CACNG5: variants seen among roughly 807,000 people sequenced by gnomAD.
The protein encoded by CACNG5 is voltage-dependent calcium channel gamma-5 subunit.
In CACNG5, 18 loss-of-function variants were observed where a neutral mutation model predicts 24.8. The ratio of observed to expected loss-of-function variants is 0.73; its 90% CI spans 0.50 to 1.08. The LOEUF (loss-of-function observed/expected upper bound fraction) is 1.08, where lower values mean the gene tolerates loss of function less well. CACNG5 is among the 50% of genes least tolerant of loss of function. The pLI is 0.00. For synonymous variants in CACNG5, 157 were observed against 149.1 expected, an observed-to-expected ratio of 1.05 and a Z score of -0.39; for missense variants, 349 against 367.9, an observed-to-expected ratio of 0.95 and a Z score of 0.42.
intron 1 of CACNG5, among the ~76,000 whole-genome samples, chr17:66,835,681 C>T (rs550192209): frequency 3.9e-5 from 6 of 152,284 alleles, no homozygotes; most frequent in East Asian, 3.9e-4. Context: ...GGTCCAACTC[C>T]CCGCTTATCA....
intron 1 of CACNG5, among the ~76,000 whole-genome samples, chr17:66,860,484 C>T (rs1598052214): frequency 1.3e-5 from 2 of 151,518 alleles, no homozygotes; most frequent in African/African-American, 4.9e-5. Context: ...GCAGTGGGTC[C>T]GTCTATTTAA....
intron 1 of CACNG5, among the ~76,000 whole-genome samples, chr17:66,848,724 A>G (rs1354688035): frequency 6.6e-6 from 1 of 151,882 alleles, no homozygotes; most frequent in Non-Finnish European, 1.5e-5. Flanking sequence ...CCCAGCCCCT[A>G]CCCCAGCTGG....
At chr17:66,841,250 T>C (rs1460412170) in intron 1 of CACNG5, among the ~76,000 whole-genome samples, 1 of 152,156 alleles carries the variant, frequency 6.6e-6, no homozygotes, top group East Asian at 1.9e-4. Context: ...AGACAGATGG[T>C]CACATTCATT....
At chr17:66,850,573 CA>C (rs899910935) in intron 1 of CACNG5, among the ~76,000 whole-genome samples, 36 of 147,958 alleles carry the variant, frequency 2.4e-4, no homozygotes, top group African/African-American at 9.1e-4. Flanking sequence ...TTAAAGTTCA[CA>C]TATATATATA....
rs767720248 is a variant in CACNG5, at chr17:66,885,225, C to A, written c.813C>A (p.Ser271=). The A allele has an allele frequency of 1.1e-4, 168 of 1,589,870 alleles. No individual in the cohort carries two copies. The highest frequency in any genetic ancestry group is 1.4e-4 in the Non-Finnish European group (160 of 1,172,784). Residue 271 remains serine (S), a synonymous_variant, in exon 6 of 6, where the codon TCC becomes TCA. Transcript: ENST00000533854. ...LLKCPDYDQM[S]SSPC is the part of the protein sequence containing the mutation. The stretch of plus-strand genomic sequence containing the variant: ...AGTGCCCCGACTATGATCAGATGTC[C>A]TCTTCACCCTGCTGAGCCTCGGCCG...
chr17:66,868,794 T>G (rs1976964112), intron 1 of CACNG5, among the ~76,000 whole-genome samples: 1 of 152,180 alleles, frequency 6.6e-6, no homozygotes, highest in African/African-American at 2.4e-5. Flanking sequence ...GTGCCCACCA[T>G]GAAGACACCT....
intron 1 of CACNG5, among the ~76,000 whole-genome samples, chr17:66,857,849 C>T (rs1178191654): frequency 6.6e-6 from 1 of 152,162 alleles, no homozygotes; most frequent in African/African-American, 2.4e-5. Flanking sequence ...CCGGTCCCAG[C>T]CCACTCCATC....
rs550348143 is a variant in CACNG5, at chr17:66,849,526, T to C, written c.-104+14276T>C. Among the ~76,000 whole-genome samples, 24 of 152,286 alleles carry C rather than the reference T, an allele frequency of 1.6e-4. No individual in the cohort carries two copies. In the South Asian group the frequency reaches 5.0e-3, roughly 32 times the overall value. The stretch of plus-strand genomic sequence containing the variant: ...ATTACACTTCCTGGCTGAGTGGCCT[T>C]GGGCTGTGTTCTGGGATCTGCCTGG... On this transcript the variant is annotated intron_variant, in intron 1 of 5. Transcript: ENST00000533854.
chr17:66,841,244 A>G (rs1236529239), intron 1 of CACNG5, among the ~76,000 whole-genome samples: 1 of 152,222 alleles, frequency 6.6e-6, no homozygotes, highest in Non-Finnish European at 1.5e-5. Flanking sequence ...GGTGAGAGAC[A>G]GATGGTCACA....
chr17:66,881,646 A>G (rs545012069), intron 4 of CACNG5, among the ~76,000 whole-genome samples: 12 of 152,358 alleles, frequency 7.9e-5, no homozygotes, highest in Middle Eastern at 3.4e-3. Context: ...AGTAGACAGA[A>G]GATAGGAACC....
chr17:66,863,725 C>G (rs1030456818), intron 1 of CACNG5, among the ~76,000 whole-genome samples: 5 of 152,184 alleles, frequency 3.3e-5, no homozygotes, highest in Non-Finnish European at 5.9e-5. Flanking sequence ...CTTCTCTTCT[C>G]TTCTGCATTT....
chr17:66,837,355 C>T (rs1976494775), intron 1 of CACNG5, among the ~76,000 whole-genome samples: 1 of 152,244 alleles, frequency 6.6e-6, no homozygotes, highest in Non-Finnish European at 1.5e-5. Context: ...GTAACCCAGT[C>T]TCCAGCAAAC....
chr17:66,869,852 G>A (rs1205631092), intron 1 of CACNG5, among the ~76,000 whole-genome samples: 2 of 152,182 alleles, frequency 1.3e-5, no homozygotes, highest in Non-Finnish European at 1.5e-5. Flanking sequence ...GGGAGGCCGA[G>A]GTGGGTGGAT....
intron 1 of CACNG5, among the ~76,000 whole-genome samples, chr17:66,870,662 T>A (rs761381260): frequency 2.4e-4 from 36 of 152,202 alleles, no homozygotes; most frequent in Non-Finnish European, 4.3e-4. Flanking sequence ...GGAACCTACA[T>A]CTCCTCTTGT....
chr17:66,841,859 T>C (rs2144497414), intron 1 of CACNG5, among the ~76,000 whole-genome samples: 1 of 152,288 alleles, frequency 6.6e-6, no homozygotes, highest in South Asian at 2.1e-4. Context: ...AAACTGTCCC[T>C]CCCTTAGAGG....
rs1269472913 is a variant in CACNG5, at chr17:66,884,439, A to C, written c.425-77A>C. 2.0e-6 allele frequency: 3 copies of C among 1,474,980 alleles called. No homozygotes were observed. The African/African-American group carries it at 4.2e-5, about 21-fold the overall frequency. 91.4% of individuals were successfully genotyped at this position (1,474,980 alleles called of 1,614,324 possible). ...CTGGTGGCTTTGCTCCTGAATTGCA[A>C]AGGGAGGTGGGTGCCACCTCAGCAA... On this transcript the variant is annotated intron_variant, in intron 4 of 5. Coordinates refer to ENST00000533854, the MANE Select transcript of CACNG5 (RefSeq NM_145811.3).
chr17:66,856,667 G>A (rs1176319317), intron 1 of CACNG5, among the ~76,000 whole-genome samples: 3 of 151,032 alleles, frequency 2.0e-5, no homozygotes, highest in African/African-American at 7.3e-5. Context: ...TCAGCCTCCC[G>A]AGCAGCTGGG....
rs971129196 is a variant in CACNG5 at position 66,885,245 on chromosome 17, C to T, written c.*5C>T. The T allele has an allele frequency of 1.6e-5, 25 of 1,569,186 alleles. No homozygotes were observed. The highest frequency in any genetic ancestry group is 5.4e-5 in the African/African-American group (4 of 74,346). On this transcript the variant is annotated 3_prime_UTR_variant, in exon 6 of 6. Transcript: ENST00000533854. ...ATGTCCTCTTCACCCTGCTGAGCCTCGGCCGCCCCCATCCCTGGACTGTGG... is the reference window on the plus strand; with the variant it reads ...ATGTCCTCTTCACCCTGCTGAGCCTTGGCCGCCCCCATCCCTGGACTGTGG...
intron 1 of CACNG5, 25 bp downstream of exon 1, chr17:66,835,275 G>A (rs1010919018): frequency 2.0e-5 from 3 of 152,330 alleles, no homozygotes; most frequent in African/African-American, 7.2e-5. Flanking sequence ...GACCGGGAGA[G>A]ACCACCTCTT....
Sources: allele counts gnomAD v4.1 joint callset (sites outside exome capture counted in the v4.1 genomes callset), GRCh38; gene constraint gnomAD v4.1.1; transcripts MANE v1.5; gene names NCBI Gene and HGNC (gene_info 2026-07-23, HGNC 2026-07-21).